Variants in SESN2 observed in about 807,000 individuals in gnomAD.
The protein encoded by SESN2 is sestrin-2.
A neutral mutation model predicts 56.0 loss-of-function variants in SESN2; 42 were observed. The observed-to-expected ratio is 0.75, with a 90% CI of 0.59 to 0.97. SESN2 has a LOEUF of 0.97. Ranked by LOEUF, SESN2 falls within the 50% of genes least tolerant of loss-of-function variation. SESN2 has a pLI of 0.00. For synonymous variants in SESN2, 264 were observed against 267.1 expected (o/e 0.99, Z 0.11); for missense variants, 507 against 649.4 (o/e 0.78, Z 2.38).
chr1:28,266,448 T>A (rs1431122486), intron 1 of SESN2, among the ~76,000 whole-genome samples: 3 of 152,246 alleles, frequency 2.0e-5, no homozygotes, highest in African/African-American at 7.2e-5. Context: ...TGGAAGTAGT[T>A]ACTGCTATCC....
intron 1 of SESN2, among the ~76,000 whole-genome samples, chr1:28,264,139 G>A (rs1647478694): frequency 6.6e-6 from 1 of 151,026 alleles, no homozygotes; most frequent in Non-Finnish European, 1.5e-5. Context: ...GCCAAGGTGA[G>A]CAGGTTATGT....
chr1:28,259,668 A>C lies in SESN2; in HGVS notation c.-180A>C. On this transcript the variant is annotated 5_prime_UTR_variant, in exon 1 of 10. Transcript: ENST00000253063. ...CCGTTCCCGAAGCCCGACTGGGGGAAGAGTCCAGCACCAAAGCGGCCGTTC... is the reference window on the plus strand; with the variant it reads ...CCGTTCCCGAAGCCCGACTGGGGGACGAGTCCAGCACCAAAGCGGCCGTTC... The C allele has an allele frequency of 2.2e-6, 1 of 457,418 alleles. No individual in the cohort carries two copies. Among genetic ancestry groups the C allele is most frequent in the East Asian group, 3.6e-5 (1 of 27,916 alleles). 28.3% of individuals were successfully genotyped at this position (457,418 alleles called of 1,614,324 possible). A position where few individuals can be genotyped will look rare whatever the true frequency, so the allele number is the denominator to read the frequency against.
rs1222571715 is a variant in SESN2, at chr1:28,279,101, G to A, written c.1216G>A (p.Asp406Asn). 1 of 1,614,152 alleles carries A rather than the reference G, an allele frequency of 6.2e-7. No individual in the cohort carries two copies. Among genetic ancestry groups the A allele is most frequent in the South Asian group, 1.1e-5 (1 of 91,080 alleles). ...YIHCVFGIRY[D>N]DYDYGEVNQL... ...TGCTGGGACCTTTCCATCCAGATAT[G>A]ATGACTATGATTATGGGGAGGTGAA... is the stretch of plus-strand genomic sequence containing the variant. The change falls in exon 9 of 10, where the codon GAT becomes AAT. Residue 406 changes from aspartate (D) to asparagine (N), a missense_variant. Asp to Asn is a conservative substitution (Grantham distance 23). Coordinates refer to ENST00000253063, the MANE Select transcript of SESN2 (RefSeq NM_031459.5).
At chr1:28,270,696 C>G (rs1572094759) in intron 2 of SESN2, among the ~76,000 whole-genome samples, 1 of 152,142 alleles carries the variant, frequency 6.6e-6, no homozygotes, top group African/African-American at 2.4e-5. Flanking sequence ...CTCAAGCCTC[C>G]CGAGTAGCTG....
chr1:28,275,213 C>T (rs908554121), intron 8 of SESN2, among the ~76,000 whole-genome samples, 198 bp downstream of exon 8: 3 of 151,690 alleles, frequency 2.0e-5, no homozygotes, highest in Admixed American at 2.0e-4. Context: ...AATTGCACTC[C>T]CAGAGATAAT....
At chr1:28,273,212 T>G in intron 5 of SESN2, 146 bp from the exon 6 acceptor site, 2 of 650,384 alleles carry the variant, frequency 3.1e-6, no homozygotes, top group Non-Finnish European at 4.9e-6. Context: ...ACAGACCCCA[T>G]GTGCTGTCCA....
At position 28,282,454 on chromosome 1, in the gene SESN2, T is replaced by C. The variant is rs538687060; in HGVS notation, c.*1652T>C. On this transcript the variant is annotated 3_prime_UTR_variant, in exon 10 of 10. Transcript: ENST00000253063. The stretch of plus-strand genomic sequence containing the variant: ...CTTTGGCTTTGCTACCAGTTCCATA[T>C]GATGAGAAATAAACGTTCGCTGAGG... 45 of 152,346 alleles carry C rather than the reference T, an allele frequency of 3.0e-4. No homozygotes were observed. The highest frequency in any genetic ancestry group is 1.0e-3 in the African/African-American group (42 of 41,568). The allele number at this position is 152,346 out of a possible 1,614,324, so 9.4% of individuals were successfully genotyped here.
intron 8 of SESN2, among the ~76,000 whole-genome samples, chr1:28,276,857 G>T (rs1378261840): frequency 4.0e-5 from 6 of 148,674 alleles, no homozygotes; most frequent in Non-Finnish European, 8.9e-5. Flanking sequence ...GGGGTTACAG[G>T]CATGAGACAC....
intron 1 of SESN2, among the ~76,000 whole-genome samples, chr1:28,262,694 C>G (rs1485968135): frequency 6.7e-6 from 1 of 149,354 alleles, no homozygotes; most frequent in Non-Finnish European, 1.5e-5. Flanking sequence ...TTTGGGAGGC[C>G]GAGGTAGGTG....
chr1:28,269,469 G>GGT (rs1295363342), intron 2 of SESN2, among the ~76,000 whole-genome samples: 1 of 152,052 alleles, frequency 6.6e-6, no homozygotes, highest in Non-Finnish European at 1.5e-5. Flanking sequence ...CTAATAGCCA[G>GGT]GTAGTGGCCA....
At position 28,272,562 on chromosome 1, in the gene SESN2, C is replaced by T; in HGVS notation, c.538-19C>T. On this transcript the variant is annotated intron_variant, in intron 4 of 9. Coordinates refer to ENST00000253063, the MANE Select transcript of SESN2 (RefSeq NM_031459.5). ...GGCAGGCACTGAGCAGCTCTGACCT[C>T]CCCCCTTGTCCCTTCCAGGCCTTGC... 1.2e-6 allele frequency: 2 copies of T among 1,612,488 alleles called. No homozygotes were observed. Among genetic ancestry groups the T allele is most frequent in the Non-Finnish European group, 8.5e-7 (1 of 1,178,910 alleles).
intron 8 of SESN2, among the ~76,000 whole-genome samples, chr1:28,276,078 C>T (rs1417202548): frequency 1.3e-5 from 2 of 151,994 alleles, no homozygotes; most frequent in African/African-American, 2.4e-5. Flanking sequence ...GCCTGGGAGG[C>T]AGAGGTTGCA....
intron 8 of SESN2, among the ~76,000 whole-genome samples, chr1:28,278,060 C>T (rs1648112488): frequency 6.6e-6 from 1 of 152,222 alleles, no homozygotes; most frequent in African/African-American, 2.4e-5. Context: ...CTGGGGATAA[C>T]TAAGTGGCTT....
chr1:28,261,045 A>G (rs994399877), intron 1 of SESN2, among the ~76,000 whole-genome samples: 1 of 152,190 alleles, frequency 6.6e-6, no homozygotes, highest in Admixed American at 6.5e-5. Context: ...CGGAGATTGC[A>G]CGGCACTAGG....
intron 1 of SESN2, among the ~76,000 whole-genome samples, 168 bp from the exon 2 acceptor site, chr1:28,269,015 T>A (rs754995584): frequency 6.6e-6 from 1 of 152,244 alleles, no homozygotes; most frequent in Admixed American, 6.5e-5. Context: ...TTGATTACCC[T>A]TCCAAACATG....
At chr1:28,260,893 C>T (rs1386755771) in intron 1 of SESN2, among the ~76,000 whole-genome samples, 2 of 151,962 alleles carry the variant, frequency 1.3e-5, no homozygotes, top group African/African-American at 2.4e-5. Flanking sequence ...CGCCTTTAAC[C>T]TAAGTCCTCA....
chr1:28,269,546 A>T (rs1647682927), intron 2 of SESN2, among the ~76,000 whole-genome samples: 1 of 152,038 alleles, frequency 6.6e-6, no homozygotes, highest in Non-Finnish European at 1.5e-5. Context: ...CCTTAAGAAG[A>T]TAGAACTATC....
At chr1:28,264,614 G>A (rs890133776) in intron 1 of SESN2, among the ~76,000 whole-genome samples, 2 of 152,148 alleles carry the variant, frequency 1.3e-5, no homozygotes, top group Non-Finnish European at 2.9e-5. Context: ...CAGGTCTACT[G>A]AACCTGTACC....
chr1:28,261,602 C>T (rs1647376995), intron 1 of SESN2, among the ~76,000 whole-genome samples: 1 of 152,092 alleles, frequency 6.6e-6, no homozygotes, highest in Admixed American at 6.5e-5. Context: ...ACAGCTTTCT[C>T]CAGAGTGTCT....
Sources: gnomAD v4.1 joint callset for allele counts (sites outside exome capture counted in the v4.1 genomes callset) on GRCh38, gnomAD v4.1.1 for gene constraint, MANE v1.5 for transcripts, NCBI Gene and HGNC (gene_info 2026-07-23, HGNC 2026-07-21) for gene names.